Variants in PCDH9 observed in about 807,000 individuals in gnomAD.
PCDH9 encodes the protein protocadherin-9.
Under a neutral mutation model 70.6 loss-of-function variants are expected in PCDH9, and 24 were observed. The ratio of observed to expected loss-of-function variants is 0.34; its 90% confidence interval spans 0.25 to 0.48. The LOEUF (loss-of-function observed/expected upper bound fraction) is 0.48. Ranked by LOEUF, PCDH9 falls within the 20% of genes least tolerant of loss-of-function variation. PCDH9 has a pLI of 0.99. For missense variants in PCDH9, 1,281 were observed against 1,503.6 expected, an observed-to-expected ratio of 0.85 and a Z score of 2.45; for synonymous variants, 562 against 558.5, an observed-to-expected ratio of 1.01 and a Z score of -0.09.
chr13:67,122,989 G>A (rs9599185), intron 2 of PCDH9, among the ~76,000 whole-genome samples: 1 of 151,912 alleles, frequency 6.6e-6, no homozygotes, highest in Non-Finnish European at 1.5e-5. Context: ...TCACACTATA[G>A]AGCTAATCAA....
chr13:67,224,777 A>C, intron 2 of PCDH9: 1 of 892,226 alleles, frequency 1.1e-6, no homozygotes, highest in Non-Finnish European at 1.3e-6. Flanking sequence ...GCGGACACTA[A>C]AAATCTTTCT....
At chr13:67,073,355 T>C (rs1300926261) in intron 2 of PCDH9, among the ~76,000 whole-genome samples, 1 of 152,142 alleles carries the variant, frequency 6.6e-6, no homozygotes. Flanking sequence ...AAACTTTATA[T>C]ATCAAGAATC....
intron 2 of PCDH9, among the ~76,000 whole-genome samples, chr13:67,011,139 A>G (rs766425324): frequency 9.9e-5 from 15 of 152,062 alleles, no homozygotes; most frequent in Non-Finnish European, 1.8e-4. Context: ...CCTTTTAATC[A>G]TGATGTTATT....
Position 66,726,284 on chromosome 13 carries a change from T to C in PCDH9, c.3139-94873A>G, listed in dbSNP as rs116762794. On this transcript the variant is annotated intron_variant, in intron 3 of 4. Coordinates refer to ENST00000377865, the MANE Select transcript of PCDH9 (RefSeq NM_203487.3). ...AAGAATTCAGGAGAAAGAGTCAGAG[T>C]TGTAATAGGGAGGAAGCAGCATTGA... 8.5e-3 allele frequency among the ~76,000 whole-genome samples: 1,293 copies of C among 151,988 alleles called. 27 individuals carry two copies. Among genetic ancestry groups the C allele is most frequent in the African/African-American group, 0.03 (1,240 of 41,442 alleles).
chr13:66,796,661 TC>T (rs1190599207), intron 3 of PCDH9, among the ~76,000 whole-genome samples: 2 of 152,136 alleles, frequency 1.3e-5, no homozygotes, highest in Non-Finnish European at 2.9e-5. Context: ...AGAGAATTAA[TC>T]CTTTCAACAA....
rs1448570006 is a variant in PCDH9 at position 66,732,944 on chromosome 13, T to G, written c.3139-101533A>C. 2.0e-5 allele frequency among the ~76,000 whole-genome samples: 3 copies of G among 152,106 alleles called. No individual in the cohort carries two copies. The East Asian group carries it at 5.8e-4, about 29-fold the overall frequency. ...GGACATATATACACACAGATGTATA[T>G]TCACATGCACATGTATGACCCTGCT... On this transcript the variant is annotated intron_variant, in intron 3 of 4. Transcript: ENST00000377865.
At chr13:66,373,557 TGAA>T (rs1301576590) in intron 4 of PCDH9, among the ~76,000 whole-genome samples, 1 of 151,838 alleles carries the variant, frequency 6.6e-6, no homozygotes, top group Non-Finnish European at 1.5e-5. Context: ...AAATGAAAGA[TGAA>T]GAAAGAACCA....
chr13:66,750,197 T>C (rs1397931248), intron 3 of PCDH9, among the ~76,000 whole-genome samples: 3 of 152,168 alleles, frequency 2.0e-5, no homozygotes, highest in South Asian at 2.1e-4. Flanking sequence ...GCATTATTAC[T>C]ATTAAAGAAG....
In PCDH9 at chr13:67,040,235, G is replaced by A. The variant is rs139341155; in HGVS notation, c.3037-136630C>T. On this transcript the variant is annotated intron_variant, in intron 2 of 4. Transcript: ENST00000377865. ...GTTGAAACTTAGCCCCCAGTGTGAC[G>A]TTATTCAGAGGTGGGGTCTTTGGGA... Among the ~76,000 whole-genome samples, 681 of 152,250 alleles carry A rather than the reference G, an allele frequency of 4.5e-3. 3 individuals carry two copies. The highest frequency in any genetic ancestry group is 5.7e-3 in the Non-Finnish European group (390 of 68,030).
chr13:66,466,982 A>C (rs1055655609), intron 4 of PCDH9, among the ~76,000 whole-genome samples: 1 of 152,072 alleles, frequency 6.6e-6, no homozygotes, highest in Admixed American at 6.6e-5. Context: ...CTCACTAGTT[A>C]CTGACTCTGT....
intron 4 of PCDH9, among the ~76,000 whole-genome samples, chr13:66,478,655 C>T (rs1004018988): frequency 5.3e-5 from 8 of 152,172 alleles, no homozygotes; most frequent in African/African-American, 1.9e-4. Flanking sequence ...TAAGCCAAAA[C>T]CTAATCTAGA....
At chr13:66,327,035 A>G (rs1197406991) in intron 4 of PCDH9, among the ~76,000 whole-genome samples, 1 of 151,960 alleles carries the variant, frequency 6.6e-6, no homozygotes, top group African/African-American at 2.4e-5. Flanking sequence ...AGGCAGTCCA[A>G]ATTGTCTTTC....
At chr13:66,312,662 G>C (rs921888673) in intron 4 of PCDH9, among the ~76,000 whole-genome samples, 2 of 151,872 alleles carry the variant, frequency 1.3e-5, no homozygotes, top group Non-Finnish European at 2.9e-5. Context: ...AGATTTTTGA[G>C]TGTGAAATTA....
At chr13:67,006,769 G>C (rs759017879) in intron 2 of PCDH9, among the ~76,000 whole-genome samples, 5 of 151,830 alleles carry the variant, frequency 3.3e-5, no homozygotes, top group Non-Finnish European at 7.4e-5. Context: ...TATCATATTT[G>C]ATTATTAGAT....
chr13:66,774,879 G>C (rs889561542), intron 3 of PCDH9, among the ~76,000 whole-genome samples: 2 of 152,120 alleles, frequency 1.3e-5, no homozygotes, highest in East Asian at 3.9e-4. Context: ...TTCAAGTTTT[G>C]GTACTTGGTT....
At chr13:66,939,522 C>T (rs900005327) in intron 2 of PCDH9, among the ~76,000 whole-genome samples, 34 of 151,230 alleles carry the variant, frequency 2.2e-4, no homozygotes, top group African/African-American at 6.8e-4. Flanking sequence ...AATCTCCGTC[C>T]GCCTCCCAGG....
chr13:66,986,544 T>C (rs950907319), intron 2 of PCDH9, among the ~76,000 whole-genome samples: 2 of 151,910 alleles, frequency 1.3e-5, no homozygotes, highest in Non-Finnish European at 2.9e-5. Flanking sequence ...ATAAGCAAAG[T>C]CCAAATACTA....
chr13:66,813,860 T>C (rs1196076321), intron 3 of PCDH9, among the ~76,000 whole-genome samples: 1 of 152,164 alleles, frequency 6.6e-6, no homozygotes, highest in African/African-American at 2.4e-5. Context: ...GCTTTTTAGA[T>C]AATTGGTCTA....
At chr13:66,714,329 G>A (rs1034081419) in intron 3 of PCDH9, among the ~76,000 whole-genome samples, 1 of 151,862 alleles carries the variant, frequency 6.6e-6, no homozygotes, top group East Asian at 1.9e-4. Flanking sequence ...GCCAGGCGTG[G>A]TGGCGGGTGC....
Sources: gnomAD v4.1 joint callset for allele counts (sites outside exome capture counted in the v4.1 genomes callset) on GRCh38, gnomAD v4.1.1 for gene constraint, MANE v1.5 for transcripts, NCBI Gene and HGNC (gene_info 2026-07-23, HGNC 2026-07-21) for gene names.